MYO3B: variants seen among roughly 807,000 people sequenced by gnomAD.
MYO3B encodes the protein myosin IIIB.
A neutral mutation model predicts 174.6 loss-of-function variants in MYO3B; 156 were observed. The ratio of observed to expected loss-of-function variants is 0.89; its 90% CI spans 0.78 to 1.02. The LOEUF is 1.02. Ranked by LOEUF, MYO3B falls within the 50% of genes least tolerant of loss-of-function variation. The pLI is 0.00. For synonymous variants in MYO3B, 563 were observed against 569.1 expected, an observed-to-expected ratio of 0.99 and a Z score of 0.15; for missense variants, 1,632 against 1,639.4, an observed-to-expected ratio of 1.00 and a Z score of 0.08.
At chr2:170,595,457 G>C (rs1309306295) in intron 32 of MYO3B, among the ~76,000 whole-genome samples, 1 of 151,978 alleles carries the variant, frequency 6.6e-6, no homozygotes, top group Non-Finnish European at 1.5e-5. Context: ...TTTGTTTTAT[G>C]AGACAGAGTC....
chr2:170,485,797 G>C (rs1236960732), intron 25 of MYO3B, among the ~76,000 whole-genome samples: 12 of 152,150 alleles, frequency 7.9e-5, no homozygotes, highest in Admixed American at 7.9e-4. Flanking sequence ...CTAACAAAGA[G>C]AAAAGATGAT....
intron 7 of MYO3B, among the ~76,000 whole-genome samples, chr2:170,273,056 C>G (rs548462040): frequency 2.6e-5 from 4 of 152,100 alleles, no homozygotes; most frequent in East Asian, 1.9e-4. Flanking sequence ...ATGTGTTTCC[C>G]TTAGGATCAG....
intron 14 of MYO3B, among the ~76,000 whole-genome samples, chr2:170,390,390 T>A (rs966815213): frequency 2.6e-5 from 4 of 152,206 alleles, no homozygotes; most frequent in African/African-American, 9.6e-5. Flanking sequence ...ACCTCACCAC[T>A]GCACTCCAGC....
chr2:170,631,657 A>C lies in MYO3B; in HGVS notation c.3734-19971A>C, dbSNP rs888850413. On this transcript the variant is annotated intron_variant, in intron 32 of 34. Transcript: ENST00000408978. ...AAATGTTAAGGGCAGCCAGAGAGAAAGGTCGGGTTACCCACAAAGGGAAGC... is the reference window on the plus strand; with the variant it reads ...AAATGTTAAGGGCAGCCAGAGAGAACGGTCGGGTTACCCACAAAGGGAAGC... Among the ~76,000 whole-genome samples the C allele has an allele frequency of 2.0e-5, 3 of 152,188 alleles. No homozygotes were observed. In the East Asian group the frequency reaches 5.8e-4, roughly 29 times the overall value.
At chr2:170,336,235 G>A (rs2093946559) in intron 8 of MYO3B, among the ~76,000 whole-genome samples, 1 of 151,700 alleles carries the variant, frequency 6.6e-6, no homozygotes, top group Admixed American at 6.6e-5. Context: ...AGGCAGAGGA[G>A]CTTGGAAGAA....
At chr2:170,474,239 G>C (rs1685167983) in intron 25 of MYO3B, among the ~76,000 whole-genome samples, 1 of 152,108 alleles carries the variant, frequency 6.6e-6, no homozygotes, top group African/African-American at 2.4e-5. Context: ...AACATTAGCA[G>C]CAAGAGAGTT....
intron 25 of MYO3B, among the ~76,000 whole-genome samples, chr2:170,480,921 A>T (rs979396243): frequency 6.6e-6 from 1 of 152,234 alleles, no homozygotes; most frequent in South Asian, 2.1e-4. Context: ...AACTCTCGCA[A>T]AGTGAACTGA....
At chr2:170,311,183 GAACCACCACCA>G (rs750469211) in intron 7 of MYO3B, among the ~76,000 whole-genome samples, 22 of 152,042 alleles carry the variant, frequency 1.4e-4, no homozygotes, top group Non-Finnish European at 2.8e-4. Context: ...GCCTTTTGAA[GAACCACCACCA>G]AACCATTTTC....
Position 170,473,139 on chromosome 2 carries a change from C to CTTTTTTT in MYO3B, c.3014+6443_3014+6449dup, listed in dbSNP as rs66837903. On this transcript the variant is annotated intron_variant, in intron 25 of 34. Coordinates refer to ENST00000408978, the MANE Select transcript of MYO3B (RefSeq NM_138995.5). ...TTCTTTTTCTTTTTCTTTTTCTTTT[C>CTTTTTTT]TTTTTTTTTTTTTTTTTTTTTGAGA... Among the ~76,000 whole-genome samples the CTTTTTTT allele has an allele frequency of 2.7e-3, 260 of 96,488 alleles. 3 individuals are homozygous for CTTTTTTT. Among genetic ancestry groups the CTTTTTTT allele is most frequent in the Middle Eastern group, 6.9e-3 (1 of 144 alleles). 63.3% of individuals were successfully genotyped at this position (96,488 alleles called of 152,430 possible).
At position 170,262,110 on chromosome 2, in the gene MYO3B, G is replaced by T. The variant is rs141535185; in HGVS notation, c.749+25974G>T. 2.3e-3 allele frequency among the ~76,000 whole-genome samples: 352 copies of T among 152,292 alleles called. 1 individual carries two copies. The highest frequency in any genetic ancestry group is 8.2e-3 in the African/African-American group (340 of 41,552). On this transcript the variant is annotated intron_variant, in intron 7 of 34. Coordinates refer to ENST00000408978, the MANE Select transcript of MYO3B (RefSeq NM_138995.5). ...AAAGAAAGGGCTCTGGAAATGTAAA[G>T]GGGAAAATGATTAATTTTGACCAAG...
chr2:170,639,137 A>G (rs139186268), intron 32 of MYO3B, among the ~76,000 whole-genome samples: 57 of 152,276 alleles, frequency 3.7e-4, no homozygotes, highest in African/African-American at 1.3e-3. Flanking sequence ...TGTCGTTCCA[A>G]TCTTCAAAGA....
At chr2:170,489,673 G>A (rs1287391043) in intron 25 of MYO3B, among the ~76,000 whole-genome samples, 4 of 138,174 alleles carry the variant, frequency 2.9e-5, no homozygotes, top group Non-Finnish European at 4.6e-5. Context: ...GTGTGTCTGG[G>A]TAAGTGTGGG....
chr2:170,268,413 A>G (rs558067415), intron 7 of MYO3B, among the ~76,000 whole-genome samples: 2 of 152,342 alleles, frequency 1.3e-5, no homozygotes, highest in African/African-American at 4.8e-5. Flanking sequence ...AGAGAATCCA[A>G]TTGTAAAATC....
chr2:170,293,872 C>T (rs1353163756), intron 7 of MYO3B, among the ~76,000 whole-genome samples: 1 of 152,036 alleles, frequency 6.6e-6, no homozygotes, highest in Non-Finnish European at 1.5e-5. Flanking sequence ...CTGCCCATGT[C>T]AATATCCACT....
At chr2:170,503,862 C>G (rs958577334) in intron 28 of MYO3B, among the ~76,000 whole-genome samples, 1 of 152,124 alleles carries the variant, frequency 6.6e-6, no homozygotes, top group East Asian at 1.9e-4. Flanking sequence ...TAGCCAACAC[C>G]GTGGACAGGA....
chr2:170,324,099 C>G (rs775634834), intron 7 of MYO3B, among the ~76,000 whole-genome samples: 1 of 152,134 alleles, frequency 6.6e-6, no homozygotes, highest in Non-Finnish European at 1.5e-5. Flanking sequence ...ATCCTAGAGG[C>G]AGAGCGACAG....
At chr2:170,424,216 T>A (rs544514463) in intron 22 of MYO3B, among the ~76,000 whole-genome samples, 1 of 152,334 alleles carries the variant, frequency 6.6e-6, no homozygotes, top group African/African-American at 2.4e-5. Flanking sequence ...CAGATGATCT[T>A]CCTGAGTTCC....
chr2:170,643,213 G>A (rs1256239046), intron 32 of MYO3B, among the ~76,000 whole-genome samples: 9 of 152,072 alleles, frequency 5.9e-5, no homozygotes, highest in African/African-American at 2.2e-4. Context: ...ATCTCTTTAG[G>A]GTTATTTGGC....
intron 7 of MYO3B, among the ~76,000 whole-genome samples, chr2:170,281,375 A>T (rs2093508667): frequency 6.6e-6 from 1 of 152,214 alleles, no homozygotes; most frequent in South Asian, 2.1e-4. Context: ...GACATAAAAC[A>T]ATCCTCAGCA....
Sources: allele counts gnomAD v4.1 joint callset (sites outside exome capture counted in the v4.1 genomes callset), GRCh38; gene constraint gnomAD v4.1.1; transcripts MANE v1.5; gene names NCBI Gene and HGNC (gene_info 2026-07-23, HGNC 2026-07-21).